PROS1: variants seen among roughly 807,000 people sequenced by gnomAD.
PROS1 encodes the protein protein S, also known as vitamin K-dependent protein S.
In PROS1, 29 loss-of-function variants were observed where a neutral mutation model predicts 75.9. The ratio of observed to expected loss-of-function variants is 0.38; its 90% confidence interval spans 0.28 to 0.52. The LOEUF (loss-of-function observed/expected upper bound fraction) is 0.52, where lower values mean the gene tolerates loss of function less well. Ranked by LOEUF, PROS1 falls within the 20% of genes least tolerant of loss-of-function variation. The probability of loss-of-function intolerance (pLI) is 0.83; values close to 1 mark genes in which losing one functional copy is unlikely to be tolerated. For missense variants in PROS1, 680 were observed against 810.3 expected (o/e 0.84, Z 1.95); for synonymous variants, 245 against 280.6 (o/e 0.87, Z 1.27).
chr3:93,898,269 C>T (rs1708532615), intron 8 of PROS1, among the ~76,000 whole-genome samples, 179 bp downstream of exon 8: 1 of 151,896 alleles, frequency 6.6e-6, no homozygotes, highest in South Asian at 2.1e-4. Context: ...CTAATTATCC[C>T]CAATGTTTAT....
intron 1 of PROS1, among the ~76,000 whole-genome samples, chr3:93,933,405 T>A (rs1403302806): frequency 6.6e-6 from 1 of 151,782 alleles, no homozygotes; most frequent in Non-Finnish European, 1.5e-5. Flanking sequence ...GGAAACACCA[T>A]CTCTACAAAA....
chr3:93,940,523 T>C (rs1276915001), intron 1 of PROS1, among the ~76,000 whole-genome samples: 1 of 152,168 alleles, frequency 6.6e-6, no homozygotes, highest in African/African-American at 2.4e-5. Flanking sequence ...GACAATATTC[T>C]TTTATGCACT....
chr3:93,946,107 A>C (rs1709391147), intron 1 of PROS1, among the ~76,000 whole-genome samples: 1 of 152,200 alleles, frequency 6.6e-6, no homozygotes, highest in Non-Finnish European at 1.5e-5. Context: ...AGAGATGTGA[A>C]GGACCTCTTC....
chr3:93,882,599 T>C (rs561665877), intron 12 of PROS1, among the ~76,000 whole-genome samples: 17 of 152,312 alleles, frequency 1.1e-4, no homozygotes, highest in African/African-American at 3.9e-4. Context: ...GGAAATGCCA[T>C]GCAATTTGGT....
chr3:93,937,807 T>C (rs1330746418), intron 1 of PROS1, among the ~76,000 whole-genome samples: 4 of 152,166 alleles, frequency 2.6e-5, no homozygotes, highest in African/African-American at 9.7e-5. Flanking sequence ...TATAAAACAA[T>C]ATGAGAGGGT....
At chr3:93,896,032 G>A (rs995089662) in intron 9 of PROS1, among the ~76,000 whole-genome samples, 6 of 152,040 alleles carry the variant, frequency 3.9e-5, no homozygotes, top group Non-Finnish European at 7.4e-5. Flanking sequence ...GTGGAATCAT[G>A]ACTAAAAAAC....
intron 1 of PROS1, among the ~76,000 whole-genome samples, chr3:93,963,604 G>C (rs1326364322): frequency 6.6e-6 from 1 of 152,178 alleles, no homozygotes; most frequent in Non-Finnish European, 1.5e-5. Context: ...CATGGTGCCA[G>C]CATCTACTCC....
At chr3:93,896,222 A>G (rs1258313361) in intron 9 of PROS1, among the ~76,000 whole-genome samples, 1 of 152,156 alleles carries the variant, frequency 6.6e-6, no homozygotes, top group African/African-American at 2.4e-5. Context: ...AGTATTTTTT[A>G]TTACCTGGTT....
At chr3:93,884,200 T>A (rs1435834960) in intron 12 of PROS1, among the ~76,000 whole-genome samples, 1 of 152,136 alleles carries the variant, frequency 6.6e-6, no homozygotes, top group Non-Finnish European at 1.5e-5. Context: ...AAAACAACAC[T>A]TGGTCAAGGG....
At chr3:93,914,537 C>A (rs1202669432) in intron 3 of PROS1, among the ~76,000 whole-genome samples, 1 of 152,112 alleles carries the variant, frequency 6.6e-6, no homozygotes, top group Non-Finnish European at 1.5e-5. Context: ...CCTGCAGGTG[C>A]CCCTCTGGAA....
Position 93,971,672 on chromosome 3 carries a change from T to A in PROS1, c.76+2002A>T, listed in dbSNP as rs1332756272. 9.3e-4 allele frequency among the ~76,000 whole-genome samples: 62 copies of A among 66,340 alleles called. 1 individual carries two copies. In the East Asian group the frequency reaches 0.027, roughly 28 times the overall value. The allele number at this position is 66,340 out of a possible 152,430, so 43.5% of individuals were successfully genotyped here. A position where few individuals can be genotyped will look rare whatever the true frequency, so the allele number is the denominator to read the frequency against. On this transcript the variant is annotated intron_variant, in intron 1 of 14. Transcript: ENST00000394236. Reference sequence around the variant, plus strand: ...ACACACACACACACACACACACACATAAATTAGCTGGGTGCGGTGCTAGAT... The same window carrying A: ...ACACACACACACACACACACACACAAAAATTAGCTGGGTGCGGTGCTAGAT...
chr3:93,930,917 C>G (rs565006204), intron 1 of PROS1, among the ~76,000 whole-genome samples: 1 of 152,208 alleles, frequency 6.6e-6, no homozygotes. Flanking sequence ...GTTTTATTGT[C>G]TCAATTGTTG....
chr3:93,933,074 A>C (rs1421818290), intron 1 of PROS1, among the ~76,000 whole-genome samples: 1 of 152,146 alleles, frequency 6.6e-6, no homozygotes, highest in Admixed American at 6.6e-5. Context: ...TAAATGAAAA[A>C]TTGCCCTTGA....
At chr3:93,892,517 G>A (rs1354535464) in intron 10 of PROS1, among the ~76,000 whole-genome samples, 2 of 150,372 alleles carry the variant, frequency 1.3e-5, no homozygotes, top group African/African-American at 2.5e-5. Flanking sequence ...CCAGCTACTC[G>A]AGAGGCCAAA....
chr3:93,910,853 A>G (rs1210563123), intron 3 of PROS1, 148 bp from the exon 4 acceptor site: 1 of 678,112 alleles, frequency 1.5e-6, no homozygotes, highest in Non-Finnish European at 2.6e-6. Context: ...AAATGTTTCC[A>G]TCTACCTTTC....
chr3:93,950,204 C>A (rs749448265), intron 1 of PROS1, among the ~76,000 whole-genome samples: 3 of 152,122 alleles, frequency 2.0e-5, no homozygotes, highest in Non-Finnish European at 4.4e-5. Flanking sequence ...CTGGGTGGAG[C>A]CCATGGCAGA....
chr3:93,877,706 C>T (rs1708212267), intron 13 of PROS1, among the ~76,000 whole-genome samples: 1 of 152,170 alleles, frequency 6.6e-6, no homozygotes, highest in Admixed American at 6.5e-5. Context: ...GGATTGCCAC[C>T]AGCACGTTAT....
intron 12 of PROS1, among the ~76,000 whole-genome samples, chr3:93,883,826 T>C (rs1220895320): frequency 2.0e-5 from 3 of 152,040 alleles, no homozygotes; most frequent in Non-Finnish European, 2.9e-5. Context: ...GGCGGGCGCC[T>C]GTAGTTCTAG....
rs763640948 is a variant in PROS1 at position 93,954,192 on chromosome 3, C to T, written c.76+19482G>A. On this transcript the variant is annotated intron_variant, in intron 1 of 14. Transcript: ENST00000394236. ...TTCAATGCCATCCCCATCAAGCTAC[C>T]GATGACTTTCTTCACAGAACTGGAA... Among the ~76,000 whole-genome samples, 51 of 152,234 alleles carry T rather than the reference C, an allele frequency of 3.4e-4. 1 individual carries two copies. Among genetic ancestry groups the T allele is most frequent in the East Asian group, 3.9e-4 (2 of 5,174 alleles).
Sources: allele counts gnomAD v4.1 joint callset (sites outside exome capture counted in the v4.1 genomes callset), GRCh38; gene constraint gnomAD v4.1.1; transcripts MANE v1.5; gene names NCBI Gene and HGNC (gene_info 2026-07-23, HGNC 2026-07-21).